Variants in ZFHX3 observed in about 807,000 individuals in gnomAD.
ZFHX3 encodes the protein zinc finger homeobox 3.
A neutral mutation model predicts 279.1 loss-of-function variants in ZFHX3; 42 were observed. The observed-to-expected ratio is 0.15, with a 90% CI of 0.12 to 0.19. The LOEUF (loss-of-function observed/expected upper bound fraction) is 0.19, where lower values mean the gene tolerates loss of function less well. ZFHX3 is among the 10% of genes least tolerant of loss of function. ZFHX3 has a pLI of 1.00. For synonymous variants in ZFHX3, 2,293 were observed against 1,957.8 expected, an observed-to-expected ratio of 1.17 and a Z score of -4.52; for missense variants, 4,981 against 4,754.0, an observed-to-expected ratio of 1.05 and a Z score of -1.40.
At chr16:73,012,246 C>A (rs1220702767) in intron 1 of ZFHX3, among the ~76,000 whole-genome samples, 3 of 152,212 alleles carry the variant, frequency 2.0e-5, no homozygotes, top group Admixed American at 6.5e-5. Context: ...CAGCGCCTCT[C>A]CATGACCACT....
intron 3 of ZFHX3, among the ~76,000 whole-genome samples, chr16:73,362,155 G>A (rs903375084): frequency 2.6e-5 from 4 of 152,118 alleles, no homozygotes; most frequent in Non-Finnish European, 5.9e-5. Context: ...CCCCCACCCA[G>A]TACCTCTGTT....
In ZFHX3 at chr16:72,794,066, G is replaced by C. The variant is rs181676826; in HGVS notation, c.8616C>G (p.Asn2872Lys). 2 of 1,614,186 alleles carry C rather than the reference G, an allele frequency of 1.2e-6. No homozygotes were observed. The highest frequency in any genetic ancestry group is 1.7e-6 in the Non-Finnish European group (2 of 1,180,036). The change falls in exon 9 of 10, where the codon AAC (asparagine) becomes AAG (lysine). Residue 2872 changes from asparagine (N) to lysine (K), a missense_variant. Asn to Lys is a moderately conservative substitution (Grantham distance 94, BLOSUM62 0). Transcript: ENST00000268489. This position sits in a 1 kb window ranked among gnomAD's most constrained non-coding sequence, Gnocchi z 4.2. ...TCATGGCCGCTTTGGTCAACCCTTC[G>C]TTGGGTGCAGAAGAGGATTTGGTTT... ...ATETKSSSAP[N>K]EGLTKAAMMA... is the part of the protein sequence containing the mutation.
chr16:73,398,304 A>G (rs2017172291), intron 3 of ZFHX3, among the ~76,000 whole-genome samples: 1 of 152,218 alleles, frequency 6.6e-6, no homozygotes, highest in African/African-American at 2.4e-5. Flanking sequence ...AAATGGGAGA[A>G]AAAGAGGAGA....
intron 2 of ZFHX3, among the ~76,000 whole-genome samples, chr16:73,652,687 G>C (rs961088772): frequency 6.6e-5 from 10 of 152,142 alleles, no homozygotes; most frequent in African/African-American, 2.4e-4. Context: ...TGATTAGCTG[G>C]AGAAAGTGTC....
rs143242904 is a variant in ZFHX3, at chr16:73,257,643, C to T, written c.-1193-507G>A. On this transcript the variant is annotated intron_variant, in intron 4 of 17. Transcript: ENST00000641206. Reference sequence around the variant, plus strand: ...ATTGACTCATTCATTCATTCAAGAACGATTTATGAAAACTTTTCGTGAGCT... The same window carrying T: ...ATTGACTCATTCATTCATTCAAGAATGATTTATGAAAACTTTTCGTGAGCT... 2.0e-4 allele frequency among the ~76,000 whole-genome samples: 30 copies of T among 152,308 alleles called. No homozygotes were observed. The East Asian group carries it at 5.4e-3, about 27-fold the overall frequency.
chr16:73,701,138 C>A (rs760311095), intron 1 of ZFHX3, among the ~76,000 whole-genome samples: 2 of 152,126 alleles, frequency 1.3e-5, no homozygotes, highest in Non-Finnish European at 2.9e-5. Flanking sequence ...AAATAATGAA[C>A]AAATACCAGA....
Position 72,968,193 on chromosome 16 carries a change from G to A in ZFHX3, c.-49-7999C>T, listed in dbSNP as rs141451774. On this transcript the variant is annotated intron_variant, in intron 1 of 9. Transcript: ENST00000268489. Reference sequence around the variant, plus strand: ...GTGTTCCTGTCAAAAACGCACAACCGGAATCTAATCATGAGGGAACATCAG... The same window carrying A: ...GTGTTCCTGTCAAAAACGCACAACCAGAATCTAATCATGAGGGAACATCAG... Among the ~76,000 whole-genome samples the A allele has an allele frequency of 1.9e-3, 288 of 151,742 alleles. 1 individual carries two copies. Among genetic ancestry groups the A allele is most frequent in the Non-Finnish European group, 3.4e-3 (234 of 67,948 alleles).
At chr16:73,224,955 C>T (rs1050645102) in intron 5 of ZFHX3, among the ~76,000 whole-genome samples, 1 of 152,120 alleles carries the variant, frequency 6.6e-6, no homozygotes, top group Non-Finnish European at 1.5e-5. Context: ...CTGCCTATCA[C>T]CTTCATGATT....
chr16:73,743,367 C>T (rs922921860), intron 1 of ZFHX3, among the ~76,000 whole-genome samples: 2 of 152,160 alleles, frequency 1.3e-5, no homozygotes, highest in African/African-American at 4.8e-5. Context: ...TCTTTGTCAT[C>T]GCAAATTACA....
intron 3 of ZFHX3, among the ~76,000 whole-genome samples, chr16:73,340,971 C>A (rs528964341): frequency 6.6e-6 from 1 of 152,168 alleles, no homozygotes; most frequent in South Asian, 2.1e-4. Context: ...TCAAAAGATG[C>A]GTGACAAACA....
At chr16:73,171,764 A>C (rs2144867401) in intron 5 of ZFHX3, among the ~76,000 whole-genome samples, 1 of 152,220 alleles carries the variant, frequency 6.6e-6, no homozygotes, top group East Asian at 1.9e-4. Flanking sequence ...CCATTTCCTC[A>C]AATCCATGCT....
intron 2 of ZFHX3, among the ~76,000 whole-genome samples, chr16:73,561,753 C>T (rs2020372897): frequency 6.6e-6 from 1 of 152,072 alleles, no homozygotes; most frequent in Non-Finnish European, 1.5e-5. Context: ...GCTTATTCCT[C>T]AAAAGGAAAC....
intron 1 of ZFHX3, among the ~76,000 whole-genome samples, chr16:73,885,523 A>C (rs2030317392): frequency 6.6e-6 from 1 of 152,112 alleles, no homozygotes; most frequent in African/African-American, 2.4e-5. Flanking sequence ...GTTTTCTAAG[A>C]AAGTGTGATG....
At chr16:73,890,614 A>G (rs914738653) in intron 1 of ZFHX3, among the ~76,000 whole-genome samples, 1 of 152,152 alleles carries the variant, frequency 6.6e-6, no homozygotes, top group East Asian at 1.9e-4. Flanking sequence ...GCATACTCAA[A>G]CACAGAACTG....
At chr16:72,907,545 T>TTTTGTGTGTGTGTG (rs1394689944) in intron 3 of ZFHX3, among the ~76,000 whole-genome samples, 3 of 120,404 alleles carry the variant, frequency 2.5e-5, no homozygotes, top group African/African-American at 9.6e-5. Flanking sequence ...TTTCCTCTAT[T>TTTTGTGTGTGTGTG]TGTGTGTGTG....
At chr16:72,985,831 G>A (rs1447579456) in intron 1 of ZFHX3, among the ~76,000 whole-genome samples, 3 of 152,104 alleles carry the variant, frequency 2.0e-5, no homozygotes, top group East Asian at 1.9e-4. Context: ...CAGAGCAGGG[G>A]TTAATGGAAG....
intron 2 of ZFHX3, among the ~76,000 whole-genome samples, chr16:73,617,412 G>C (rs2143895879): frequency 6.6e-6 from 1 of 152,274 alleles, no homozygotes; most frequent in Non-Finnish European, 1.5e-5. Flanking sequence ...AGGTACATAG[G>C]TACCTACGAC....
intron 4 of ZFHX3, among the ~76,000 whole-genome samples, chr16:73,310,837 A>T (rs1349295914): frequency 6.6e-6 from 1 of 150,970 alleles, no homozygotes; most frequent in African/African-American, 2.4e-5. Context: ...AACTTGATAT[A>T]GGCTCACCCT....
rs145799976 is a variant in ZFHX3 at position 72,787,257 on chromosome 16, G to C, written c.11019C>G (p.Asp3673Glu). The change falls in exon 10 of 10, where the codon GAC (aspartate) becomes GAG (glutamate). Residue 3673 changes from aspartate (D) to glutamate (E), a missense_variant. By Grantham distance (45) the Asp-to-Glu change is conservative (BLOSUM62 2). Around this residue, in one of 7 missense-constraint regions of ZFHX3, gnomAD observed 1,034 missense variants for 786.0 expected, o/e 1.32. Coordinates refer to ENST00000268489, the MANE Select transcript of ZFHX3 (RefSeq NM_006885.4). ...GACCCTCCACCGGGCTCGCCGGTCC[G>C]TCGGACTTTTGGCTGAGATCCGTGT... Reference protein sequence around the residue: ...ESDTDLSQKSDGPASPVEGPK... With the variant: ...ESDTDLSQKSEGPASPVEGPK... 10 of 1,614,064 alleles carry C rather than the reference G, an allele frequency of 6.2e-6. No homozygotes were observed. Among genetic ancestry groups the C allele is most frequent in the South Asian group, 2.2e-5 (2 of 91,070 alleles).
Sources: gnomAD v4.1 joint callset for allele counts (sites outside exome capture counted in the v4.1 genomes callset) on GRCh38, gnomAD v4.1.1 for gene constraint, gnomAD v4.1.1 regional missense constraint, Gnocchi (gnomAD v3.1) non-coding constraint, MANE v1.5 for transcripts, NCBI Gene and HGNC (gene_info 2026-07-23, HGNC 2026-07-21) for gene names.